Variants in FRYL observed in about 807,000 individuals in gnomAD.
FRYL encodes FRY like transcription coactivator, also known as protein furry homolog-like.
FRYL carries 150 observed loss-of-function variants against 351.2 expected under a neutral mutation model. The observed-to-expected ratio is 0.43, with a 90% CI of 0.37 to 0.49. FRYL has a LOEUF of 0.49. Among genes scored for constraint, FRYL ranks in the 20% least tolerant of loss-of-function variants. The probability of loss-of-function intolerance (pLI) is 0.00; values close to 1 mark genes in which losing one functional copy is unlikely to be tolerated. For missense variants in FRYL, 3,036 were observed against 3,619.3 expected (o/e 0.84, Z 4.13); for synonymous variants, 1,153 against 1,257.1 (o/e 0.92, Z 1.75).
intron 37 of FRYL, 77 bp from the exon 38 acceptor site, chr4:48,550,781 T>A (rs1732536754): frequency 3.6e-6 from 4 of 1,112,820 alleles, no homozygotes; most frequent in Non-Finnish European, 5.5e-6. Context: ...CTTTCTCTGT[T>A]TAAAAAAGGA....
chr4:48,725,948 C>T (rs1272190322), intron 1 of FRYL, among the ~76,000 whole-genome samples: 1 of 152,042 alleles, frequency 6.6e-6, no homozygotes, highest in Non-Finnish European at 1.5e-5. Context: ...TCTTGGAACA[C>T]ATCTACTGAG....
chr4:48,641,332 AC>A (rs1318257928), intron 3 of FRYL, among the ~76,000 whole-genome samples: 2 of 152,178 alleles, frequency 1.3e-5, no homozygotes, highest in African/African-American at 4.8e-5. Flanking sequence ...TGAAAAGCAT[AC>A]CAGATGCTGT....
At chr4:48,775,438 T>C (rs1435280519) in intron 1 of FRYL, among the ~76,000 whole-genome samples, 3 of 152,202 alleles carry the variant, frequency 2.0e-5, no homozygotes, top group African/African-American at 4.8e-5. Flanking sequence ...AAGATTTTTT[T>C]TTCAGCTGAT....
At chr4:48,516,294 T>C (rs936169579) in intron 55 of FRYL, among the ~76,000 whole-genome samples, 16 of 152,202 alleles carry the variant, frequency 1.1e-4, no homozygotes, top group African/African-American at 3.9e-4. Context: ...TCCACCGTAA[T>C]GTTACTGAAA....
intron 13 of FRYL, among the ~76,000 whole-genome samples, chr4:48,596,793 A>G (rs1015137589): frequency 6.6e-6 from 1 of 152,018 alleles, no homozygotes; most frequent in African/African-American, 2.4e-5. Flanking sequence ...TCTTCATTCT[A>G]GCTGTTATAA....
chr4:48,745,857 C>T (rs1180645593), intron 1 of FRYL, among the ~76,000 whole-genome samples: 1 of 151,978 alleles, frequency 6.6e-6, no homozygotes, highest in Non-Finnish European at 1.5e-5. Context: ...TGTCATAGGA[C>T]AGTGACTATG....
rs562526722 is a variant in FRYL at position 48,702,452 on chromosome 4, T to C, written c.-204+8067A>G. Among the ~76,000 whole-genome samples, 185 of 65,452 alleles carry C rather than the reference T, an allele frequency of 2.8e-3. 3 individuals are homozygous for C. Among genetic ancestry groups the C allele is most frequent in the Middle Eastern group, 0.017 (1 of 60 alleles). 42.9% of individuals were successfully genotyped at this position (65,452 alleles called of 152,430 possible). ...GCCTGGGTGACAGGGTGAGACTCTG[T>C]CTCAAAAAAAAAAAAAAAAAAAAAA... On this transcript the variant is annotated intron_variant, in intron 2 of 63. Transcript: ENST00000358350.
chr4:48,621,694 T>A (rs1323985047), intron 5 of FRYL, among the ~76,000 whole-genome samples: 1 of 152,064 alleles, frequency 6.6e-6, no homozygotes, highest in Non-Finnish European at 1.5e-5. Context: ...AGAGCAGGAG[T>A]TAGTTATTGA....
At chr4:48,521,007 G>T in intron 55 of FRYL, 41 bp downstream of exon 55, 3 of 1,497,112 alleles carry the variant, frequency 2.0e-6, no homozygotes, top group Non-Finnish European at 2.7e-6. Flanking sequence ...GTGCTAAAAA[G>T]AGCCCAGATT....
intron 3 of FRYL, chr4:48,638,467 G>C (rs1293478950): frequency 2.0e-5 from 3 of 152,184 alleles, no homozygotes; most frequent in Non-Finnish European, 2.9e-5. Flanking sequence ...ACAGATGCTG[G>C]AGAGGATGTG....
At chr4:48,700,780 T>G (rs566452523) in intron 2 of FRYL, among the ~76,000 whole-genome samples, 14 of 150,848 alleles carry the variant, frequency 9.3e-5, no homozygotes, top group Non-Finnish European at 1.8e-4. Context: ...TCAGCCTGGG[T>G]GACAAAGCAA....
At chr4:48,630,648 A>T (rs1752787484) in intron 4 of FRYL, among the ~76,000 whole-genome samples, 1 of 152,180 alleles carries the variant, frequency 6.6e-6, no homozygotes, top group Admixed American at 6.5e-5. Context: ...GCCCTTCTTG[A>T]ATCTTCCTTC....
At chr4:48,557,241 A>T in intron 34 of FRYL, 123 bp from the exon 35 acceptor site, 2 of 1,258,928 alleles carry the variant, frequency 1.6e-6, no homozygotes, top group Non-Finnish European at 2.2e-6. Flanking sequence ...TCCACACTTT[A>T]CAGAAACAAT....
At chr4:48,628,461 T>TGTGC (rs2149348198) in intron 4 of FRYL, among the ~76,000 whole-genome samples, 1 of 151,622 alleles carries the variant, frequency 6.6e-6, no homozygotes, top group Non-Finnish European at 1.5e-5. Flanking sequence ...TGTGTGTGTG[T>TGTGC]GTTTAAAGGT....
Position 48,501,576 on chromosome 4 carries a change from A to AT in FRYL, c.8592+46dup, listed in dbSNP as rs772496506. ...AACAAGTAATAGATTTTATTTTAAA[A>AT]TTTTTTTAGAATCAGTTACTGATGC... On this transcript the variant is annotated intron_variant, in intron 62 of 63. Transcript: ENST00000358350. The AT allele has an allele frequency of 1.2e-5, 13 of 1,053,556 alleles. No homozygotes were observed. In the South Asian group the frequency reaches 1.6e-4, roughly 13 times the overall value. 65.3% of individuals were successfully genotyped at this position (1,053,556 alleles called of 1,614,324 possible). A position where few individuals can be genotyped will look rare whatever the true frequency, so the allele number is the denominator to read the frequency against.
intron 33 of FRYL, among the ~76,000 whole-genome samples, chr4:48,560,703 A>G (rs1269971856): frequency 6.6e-6 from 1 of 152,212 alleles, no homozygotes; most frequent in Non-Finnish European, 1.5e-5. Flanking sequence ...AGGCATTGCT[A>G]CCAACTACCA....
Position 48,540,784 on chromosome 4 carries a change from C to G in FRYL, c.5864G>C (p.Arg1955Pro). Residue 1955 changes from arginine to proline, a missense_variant, in exon 46 of 64, where the codon CGG becomes CCG. Coordinates refer to ENST00000358350, the MANE Select transcript of FRYL (RefSeq NM_015030.2). ...CATTATATCCAGTGTGTTACTCCGC[C>G]GCCGGTCACCTCGTCGGTCACCAAT... Reference protein sequence around the residue: ...SLIGDRRGDRRRSNTLDIMDG... With the variant: ...SLIGDRRGDRPRSNTLDIMDG... The G allele has an allele frequency of 6.2e-7, 1 of 1,613,904 alleles. No individual in the cohort carries two copies.
chr4:48,619,209 G>T, intron 7 of FRYL, 65 bp downstream of exon 7: 1 of 1,011,762 alleles, frequency 9.9e-7, no homozygotes, highest in Non-Finnish European at 1.5e-6. Flanking sequence ...TAAAGTAACT[G>T]AAACACGAAG....
At chr4:48,765,823 T>C (rs1429281166) in intron 1 of FRYL, among the ~76,000 whole-genome samples, 1 of 152,070 alleles carries the variant, frequency 6.6e-6, no homozygotes, top group Non-Finnish European at 1.5e-5. Context: ...AATTTAAAAA[T>C]GGGCAAGGTA....
Sources: gnomAD v4.1 joint callset for allele counts (sites outside exome capture counted in the v4.1 genomes callset) on GRCh38, gnomAD v4.1.1 for gene constraint, MANE v1.5 for transcripts, NCBI Gene and HGNC (gene_info 2026-07-23, HGNC 2026-07-21) for gene names.